Variants in AKAP10 observed in about 807,000 individuals in gnomAD.
AKAP10 encodes the protein A-kinase anchor protein 10, mitochondrial.
Under a neutral mutation model 80.8 loss-of-function variants are expected in AKAP10, and 24 were observed. The observed-to-expected ratio is 0.30, with a 90% CI of 0.22 to 0.42. The LOEUF (loss-of-function observed/expected upper bound fraction) is 0.42. Ranked by LOEUF, AKAP10 falls within the 10% of genes least tolerant of loss-of-function variation. AKAP10 has a pLI of 1.00. For synonymous variants in AKAP10, 291 were observed against 277.7 expected, an observed-to-expected ratio of 1.05 and a Z score of -0.48; for missense variants, 661 against 794.9, an observed-to-expected ratio of 0.83 and a Z score of 2.03.
chr17:19,968,948 A>G (rs1273305682), intron 1 of AKAP10, among the ~76,000 whole-genome samples: 1 of 152,234 alleles, frequency 6.6e-6, no homozygotes, highest in Non-Finnish European at 1.5e-5. Flanking sequence ...AGCTACTAGA[A>G]GCATAGTGAA....
intron 4 of AKAP10, among the ~76,000 whole-genome samples, chr17:19,948,179 T>A (rs538165746): frequency 6.6e-6 from 1 of 152,294 alleles, no homozygotes; most frequent in East Asian, 1.9e-4. Context: ...GTCTCTCCCA[T>A]GGAATGCAAC....
intron 1 of AKAP10, among the ~76,000 whole-genome samples, chr17:19,974,706 AT>A (rs55940277): frequency 0.34 from 49,044 of 146,150 alleles, 8,476 homozygotes; most frequent in African/African-American, 0.48. Flanking sequence ...ACCTAGAATG[AT>A]TTTTTTTTTT....
At chr17:19,976,890 G>C (rs989549765) in intron 1 of AKAP10, among the ~76,000 whole-genome samples, 8 of 152,170 alleles carry the variant, frequency 5.3e-5, no homozygotes, top group Admixed American at 2.0e-4. Context: ...ACCCATACTT[G>C]CTCACTTCGG....
chr17:19,938,108 G>A (rs2043012238), intron 8 of AKAP10, among the ~76,000 whole-genome samples: 1 of 150,934 alleles, frequency 6.6e-6, no homozygotes. Context: ...GTAGTTTCTA[G>A]TAGAGACAAG....
At chr17:19,963,052 T>C (rs1294194079) in intron 2 of AKAP10, 30 bp from the exon 3 acceptor site, 1 of 1,563,608 alleles carries the variant, frequency 6.4e-7, no homozygotes, top group East Asian at 2.3e-5. Context: ...TGTTAAGAAT[T>C]AAACACAATT....
chr17:19,914,833 C>A (rs2042728422), intron 12 of AKAP10, among the ~76,000 whole-genome samples: 1 of 151,956 alleles, frequency 6.6e-6, no homozygotes, highest in Admixed American at 6.6e-5. Flanking sequence ...CAGAGGCACT[C>A]AAAGTGAAGA....
intron 5 of AKAP10, among the ~76,000 whole-genome samples, chr17:19,946,272 TA>T (rs1257649660): frequency 3.0e-3 from 92 of 30,356 alleles, no homozygotes; most frequent in South Asian, 5.3e-3. Flanking sequence ...TATATATATA[TA>T]TATTTTTTTT....
At chr17:19,969,876 G>A (rs1169009970) in intron 1 of AKAP10, among the ~76,000 whole-genome samples, 2 of 152,084 alleles carry the variant, frequency 1.3e-5, no homozygotes, top group East Asian at 1.9e-4. Flanking sequence ...AATGTTGTAG[G>A]GTCACTGGTG....
At chr17:19,918,374 G>C (rs537987898) in intron 12 of AKAP10, among the ~76,000 whole-genome samples, 1 of 152,106 alleles carries the variant, frequency 6.6e-6, no homozygotes, top group Non-Finnish European at 1.5e-5. Context: ...GTGAAACCCT[G>C]TCTCTACTAA....
In AKAP10 at chr17:19,926,018, C is replaced by G. The variant is rs77089178; in HGVS notation, c.1642-1501G>C. On this transcript the variant is annotated intron_variant, in intron 10 of 14. Transcript: ENST00000225737. ...TACACTCTCACATTTATGGTCAATT[C>G]ATTTCTGATAGAGTGTAAATGTTAT... 2.7e-3 allele frequency among the ~76,000 whole-genome samples: 405 copies of G among 152,236 alleles called. 15 individuals carry two copies. The East Asian group carries it at 0.074, about 28-fold the overall frequency.
rs893992070 is a variant in AKAP10, at chr17:19,977,673, C to T, written c.7G>A (p.Gly3Arg). 1.0e-4 allele frequency: 128 copies of T among 1,235,312 alleles called. No homozygotes were observed. The highest frequency in any genetic ancestry group is 1.2e-4 in the Non-Finnish European group (116 of 987,576). The allele number at this position is 1,235,312 out of a possible 1,614,324, so 76.5% of individuals were successfully genotyped here. MR[G>R]AGPSPRQSPR... is the part of the protein sequence containing the mutation. ...GACTGGCGCGGGGAGGGCCCGGCTC[C>T]CCTCATTCAGCAACCGGCCCGGACT... is the stretch of plus-strand genomic sequence containing the variant. The change falls in exon 1 of 15, where the codon GGA (glycine) becomes AGA (arginine). Residue 3 changes from glycine to arginine, a missense_variant. Physicochemically the swap from Gly to Arg is moderately radical, Grantham distance 125. Transcript: ENST00000225737.
chr17:19,949,020 A>G (rs2043168314), intron 4 of AKAP10, among the ~76,000 whole-genome samples: 1 of 152,202 alleles, frequency 6.6e-6, no homozygotes, highest in African/African-American at 2.4e-5. Context: ...CAAACTGTCC[A>G]AGATACAATC....
chr17:19,968,528 A>G, intron 1 of AKAP10, 67 bp from the exon 2 acceptor site: 1 of 1,291,770 alleles, frequency 7.7e-7, no homozygotes, highest in Non-Finnish European at 1.1e-6. Flanking sequence ...ACACTGTAAA[A>G]ATTAGACCAG....
rs2042936540 is a variant in AKAP10, at chr17:19,931,796, A to G, written c.1641+9T>C. 1.2e-6 allele frequency: 2 copies of G among 1,606,154 alleles called. No homozygotes were observed. The highest frequency in any genetic ancestry group is 1.7e-6 in the Non-Finnish European group (2 of 1,176,916). On this transcript the variant is annotated intron_variant, in intron 10 of 14. Coordinates refer to ENST00000225737, the MANE Select transcript of AKAP10 (RefSeq NM_007202.4). ...TTTCTCCCTAATGGCAGACGCAATCAGTCAATACCTGAGACGCAGAGCTGT... is the reference window on the plus strand; with the variant it reads ...TTTCTCCCTAATGGCAGACGCAATCGGTCAATACCTGAGACGCAGAGCTGT...
intron 7 of AKAP10, 138 bp from the exon 8 acceptor site, chr17:19,939,987 C>A: frequency 1.1e-6 from 1 of 880,314 alleles, no homozygotes; most frequent in Non-Finnish European, 1.6e-6. Flanking sequence ...TAACACCTGT[C>A]AGCAAGTTAC....
chr17:19,976,786 G>A (rs530067302), intron 1 of AKAP10, among the ~76,000 whole-genome samples: 3 of 152,258 alleles, frequency 2.0e-5, no homozygotes, highest in African/African-American at 7.2e-5. Context: ...CAAAGTGCTG[G>A]GATTACAGGC....
Position 19,968,402 on chromosome 17 carries a change from G to A in AKAP10, c.136+12C>T. 1.2e-6 allele frequency: 2 copies of A among 1,611,530 alleles called. No homozygotes were observed. The highest frequency in any genetic ancestry group is 1.7e-6 in the Non-Finnish European group (2 of 1,178,066). ...CTTTTTAATGCAGTGGACTGCCAAG[G>A]GCAGAACTTACCTTTAATGGACTTC... On this transcript the variant is annotated intron_variant, in intron 2 of 14. Transcript: ENST00000225737.
Position 19,960,791 on chromosome 17 carries a change from C to T in AKAP10, c.319+2049G>A, listed in dbSNP as rs143874298. Reference sequence around the variant, plus strand: ...CTGTAATCCCAGCACTTTGGGAGGCCGAGGCGGGCTGATCACCTGAGGTCA... The same window carrying T: ...CTGTAATCCCAGCACTTTGGGAGGCTGAGGCGGGCTGATCACCTGAGGTCA... On this transcript the variant is annotated intron_variant, in intron 3 of 14. Transcript: ENST00000225737. Among the ~76,000 whole-genome samples the T allele has an allele frequency of 4.2e-3, 646 of 152,076 alleles. 6 individuals carry two copies. The highest frequency in any genetic ancestry group is 6.9e-3 in the Non-Finnish European group (467 of 67,978).
intron 8 of AKAP10, among the ~76,000 whole-genome samples, chr17:19,937,378 T>A (rs2152413879): frequency 6.6e-6 from 1 of 152,278 alleles, no homozygotes; most frequent in African/African-American, 2.4e-5. Flanking sequence ...GGCCCCCACC[T>A]GTAATCCCAG....
Sources: gnomAD v4.1 joint callset for allele counts (sites outside exome capture counted in the v4.1 genomes callset) on GRCh38, gnomAD v4.1.1 for gene constraint, MANE v1.5 for transcripts, NCBI Gene and HGNC (gene_info 2026-07-23, HGNC 2026-07-21) for gene names.